CHUK: variants seen among roughly 807,000 people sequenced by gnomAD.
The protein encoded by CHUK is inhibitor of nuclear factor kappa-B kinase subunit alpha.
A neutral mutation model predicts 104.8 loss-of-function variants in CHUK; 35 were observed. The observed-to-expected ratio is 0.33, with a 90% CI of 0.26 to 0.44. The LOEUF (loss-of-function observed/expected upper bound fraction) is 0.44, where lower values mean the gene tolerates loss of function less well. Among genes scored for constraint, CHUK ranks in the 20% least tolerant of loss-of-function variants. The pLI, the probability that CHUK is intolerant of heterozygous loss-of-function variation, is 1.00. For synonymous variants in CHUK, 276 were observed against 291.9 expected (o/e 0.95, Z 0.56); for missense variants, 663 against 902.7 (o/e 0.73, Z 3.40).
intron 3 of CHUK, among the ~76,000 whole-genome samples, chr10:100,222,645 T>TA (rs1259434584): frequency 6.6e-6 from 1 of 152,206 alleles, no homozygotes; most frequent in Non-Finnish European, 1.5e-5. Context: ...GCAAGTCACA[T>TA]AGTCTCTGTT....
At chr10:100,204,841 T>G (rs1845553867) in intron 12 of CHUK, among the ~76,000 whole-genome samples, 184 bp from the exon 13 acceptor site, 2 of 152,232 alleles carry the variant, frequency 1.3e-5, no homozygotes, top group African/African-American at 4.8e-5. Context: ...TAATATTTTG[T>G]GATAAACAAT....
downstream of CHUK, chr10:100,186,367 C>G (rs1844994617): frequency 3.9e-6 from 1 of 253,768 alleles, no homozygotes; most frequent in African/African-American, 2.2e-5. Flanking sequence ...ATGCGGAGCC[C>G]CACTGTGTGG....
intron 13 of CHUK, 38 bp from the exon 14 acceptor site, chr10:100,202,187 C>G (rs1845478509): frequency 7.1e-7 from 1 of 1,413,794 alleles, no homozygotes; most frequent in African/African-American, 1.4e-5. Context: ...TCAGAAATAG[C>G]CATATCTTTA....
intron 16 of CHUK, among the ~76,000 whole-genome samples, chr10:100,197,442 T>A (rs61628674): frequency 0.012 from 1,766 of 152,220 alleles, 42 homozygotes; most frequent in African/African-American, 0.04. Context: ...GTTCTCAAAC[T>A]TTTTGGTCTC....
At chr10:100,187,853 A>T (rs1215152708), downstream of CHUK, 1 of 152,222 alleles carries the variant, frequency 6.6e-6, no homozygotes, top group Admixed American at 6.5e-5. Context: ...AATAATTGCA[A>T]TGCTTGGATG....
Position 100,209,732 on chromosome 10 carries a change from C to G in CHUK, c.991G>C (p.Asp331His). 6.4e-7 allele frequency: 1 copy of G among 1,553,266 alleles called. No homozygotes were observed. The highest frequency in any genetic ancestry group is 8.9e-7 in the Non-Finnish European group (1 of 1,124,866). ...AKIISFLLPPDESLHSLQSRI... is the reference protein window; with the variant it reads ...AKIISFLLPPHESLHSLQSRI... Reference sequence around the variant, plus strand: ...GACTGTAGTGAATGAAGACTTTCATCAGGTGGTAACAGAAAAGAAATTATC... The same window carrying G: ...GACTGTAGTGAATGAAGACTTTCATGAGGTGGTAACAGAAAAGAAATTATC... The change falls in exon 10 of 21, where the codon GAT (aspartate) becomes CAT (histidine). Residue 331 changes from aspartate (D) to histidine (H), a missense_variant. Physicochemically the swap from Asp to His is moderately conservative, Grantham distance 81 (BLOSUM62 -1). This residue lies in a region of CHUK where 93 missense variants were observed against 95.9 expected (regional missense o/e 0.97). Coordinates refer to ENST00000370397, the MANE Select transcript of CHUK (RefSeq NM_001278.5).
Position 100,218,106 on chromosome 10 carries a change from G to C in CHUK, c.822C>G (p.Asn274Lys), listed in dbSNP as rs755163595. Residue 274 changes from asparagine (N) to lysine (K), a missense_variant, in exon 9 of 21, where the codon AAC becomes AAG. Asn to Lys is a moderately conservative substitution (Grantham distance 94). Transcript: ENST00000370397. Reference protein sequence around the residue: ...LCSLVVEPMENWLQLMLNWDP... With the variant: ...LCSLVVEPMEKWLQLMLNWDP... ...CCCAATTCAACATCAACTGTAGCCA[G>C]TTTTCCATGGGTTCTACTACTAAAC... 3 of 1,612,276 alleles carry C rather than the reference G, an allele frequency of 1.9e-6. No homozygotes were observed. Among genetic ancestry groups the C allele is most frequent in the South Asian group, 1.1e-5 (1 of 91,038 alleles).
Position 100,205,207 on chromosome 10 carries a change from CAAG to C in CHUK, c.1232-11_1232-9del, listed in dbSNP as rs1053264710. On this transcript the variant is annotated splice_polypyrimidine_tract_variant and intron_variant, in intron 11 of 20. Coordinates refer to ENST00000370397, the MANE Select transcript of CHUK (RefSeq NM_001278.5). Reference sequence around the variant, plus strand: ...GTATTTTGCTGTCCTGTACTATATACAAGAAGATGAGAAAAAGGGCAAGGGAGG... The same window carrying C: ...GTATTTTGCTGTCCTGTACTATATACAAGATGAGAAAAAGGGCAAGGGAGG... 12 of 1,613,636 alleles carry C rather than the reference CAAG, an allele frequency of 7.4e-6. No homozygotes were observed. The highest frequency in any genetic ancestry group is 1.3e-5 in the African/African-American group (1 of 74,874).
intron 10 of CHUK, 86 bp from the exon 11 acceptor site, chr10:100,207,418 A>C (rs1466281055): frequency 1.4e-6 from 1 of 721,196 alleles, no homozygotes; most frequent in Non-Finnish European, 2.5e-6. Context: ...CAGATTTCCT[A>C]CTTTGAAATG....
At chr10:100,227,312 A>G (rs530613130) in intron 1 of CHUK, among the ~76,000 whole-genome samples, 3 of 152,374 alleles carry the variant, frequency 2.0e-5, no homozygotes, top group African/African-American at 7.2e-5. Flanking sequence ...GCTGTACAAC[A>G]ACGTCAATGT....
chr10:100,215,565 T>A (rs536148253), intron 9 of CHUK, among the ~76,000 whole-genome samples: 1 of 152,322 alleles, frequency 6.6e-6, no homozygotes, highest in Admixed American at 6.5e-5. Flanking sequence ...TTCATCATTA[T>A]TTTTAGTGGT....
At chr10:100,195,124 G>A (rs570871330) in intron 16 of CHUK, 1 of 152,306 alleles carries the variant, frequency 6.6e-6, no homozygotes, top group African/African-American at 2.4e-5. Context: ...TGGGATGGCT[G>A]TTGGTCACAA....
In CHUK at chr10:100,204,749, A is replaced by G. The variant is rs553285925; in HGVS notation, c.1356-92T>C. 4 of 1,065,614 alleles carry G rather than the reference A, an allele frequency of 3.8e-6. No homozygotes were observed. The South Asian group carries it at 5.6e-5, about 15-fold the overall frequency. 66.0% of individuals were successfully genotyped at this position (1,065,614 alleles called of 1,614,324 possible). On this transcript the variant is annotated intron_variant, in intron 12 of 20. Coordinates refer to ENST00000370397, the MANE Select transcript of CHUK (RefSeq NM_001278.5). ...ATAATGTAAAAACATAAACTGCCAC[A>G]AGGCCAAAGCCTAAGTTTCTATTAT...
chr10:100,227,547 C>T (rs1169109397), intron 1 of CHUK, among the ~76,000 whole-genome samples: 1 of 143,346 alleles, frequency 7.0e-6, no homozygotes, highest in Non-Finnish European at 1.5e-5. Context: ...TTGGCTCCCA[C>T]TTTTTTTTTT....
intron 1 of CHUK, among the ~76,000 whole-genome samples, chr10:100,226,513 A>G (rs1489563710): frequency 6.6e-6 from 1 of 152,200 alleles, no homozygotes; most frequent in East Asian, 1.9e-4. Context: ...AAGAAAAAAA[A>G]TCCTACCAAT....
Position 100,189,483 on chromosome 10 carries a change from T to C in CHUK, c.*115A>G, listed in dbSNP as rs961213746. 7 of 817,318 alleles carry C rather than the reference T, an allele frequency of 8.6e-6. No individual in the cohort carries two copies. The highest frequency in any genetic ancestry group is 3.4e-5 in the African/African-American group (2 of 59,478). 50.6% of individuals were successfully genotyped at this position (817,318 alleles called of 1,614,324 possible). On this transcript the variant is annotated 3_prime_UTR_variant, in exon 21 of 21. Transcript: ENST00000370397. ...ATAGTAGAAATGTAGTTTCTGTTCA[T>C]AGCCATTTCTTCCATTGACTGATGT...
chr10:100,229,546 A>T lies in CHUK; in HGVS notation c.-14T>A. 6.6e-7 allele frequency: 1 copy of T among 1,507,344 alleles called. No homozygotes were observed. Among genetic ancestry groups the T allele is most frequent in the Non-Finnish European group, 8.9e-7 (1 of 1,124,128 alleles). The allele number at this position is 1,507,344 out of a possible 1,614,324, so 93.4% of individuals were successfully genotyped here. Reference sequence around the variant, plus strand: ...GGGCCGCTCCATGGGGCGGGAGGGCAAGCGGCCTCAGGTTCCACAGTTGTT... The same window carrying T: ...GGGCCGCTCCATGGGGCGGGAGGGCTAGCGGCCTCAGGTTCCACAGTTGTT... On this transcript the variant is annotated 5_prime_UTR_variant, in exon 1 of 21. Coordinates refer to ENST00000370397, the MANE Select transcript of CHUK (RefSeq NM_001278.5).
At chr10:100,197,577 T>C (rs1845363771) in intron 16 of CHUK, among the ~76,000 whole-genome samples, 1 of 152,196 alleles carries the variant, frequency 6.6e-6, no homozygotes, top group Admixed American at 6.5e-5. Flanking sequence ...CATTAACATG[T>C]TTTTATTAAA....
intron 18 of CHUK, chr10:100,193,731 C>T (rs1371887521): frequency 3.4e-6 from 2 of 595,712 alleles, no homozygotes; most frequent in Non-Finnish European, 3.0e-6. Context: ...ACATCTATCC[C>T]CAAGTTAGGT....
Sources: gnomAD v4.1 joint callset for allele counts (sites outside exome capture counted in the v4.1 genomes callset) on GRCh38, gnomAD v4.1.1 for gene constraint, gnomAD v4.1.1 regional missense constraint, MANE v1.5 for transcripts, NCBI Gene and HGNC (gene_info 2026-07-23, HGNC 2026-07-21) for gene names.